Variants in PATJ observed in about 807,000 individuals in gnomAD.
PATJ encodes PATJ crumbs cell polarity complex component, also known as inaD-like protein.
Under a neutral mutation model 224.9 loss-of-function variants are expected in PATJ, and 190 were observed. The ratio of observed to expected loss-of-function variants is 0.84; its 90% CI spans 0.75 to 0.95. The LOEUF is 0.95. PATJ is among the 40% of genes least tolerant of loss of function. PATJ has a pLI of 0.00. For synonymous variants in PATJ, 769 were observed against 820.3 expected (o/e 0.94, Z 1.07); for missense variants, 2,121 against 2,270.3 (o/e 0.93, Z 1.34).
chr1:61,859,895 C>T (rs1664289768), intron 18 of PATJ, among the ~76,000 whole-genome samples: 1 of 152,232 alleles, frequency 6.6e-6, no homozygotes, highest in East Asian at 1.9e-4. Context: ...GCTGGGATTA[C>T]AGGTGTGAGC....
chr1:61,999,362 C>G (rs1330996419), intron 28 of PATJ, among the ~76,000 whole-genome samples: 1 of 152,092 alleles, frequency 6.6e-6, no homozygotes, highest in East Asian at 1.9e-4. Context: ...TTATATTAGC[C>G]TTTTGTATTT....
At chr1:61,833,503 C>T in intron 16 of PATJ, 151 bp from the exon 17 acceptor site, 1 of 644,304 alleles carries the variant, frequency 1.6e-6, no homozygotes, top group Non-Finnish European at 2.5e-6. Context: ...TGCCCCAGAG[C>T]ATGCCCCTTT....
In PATJ at chr1:61,982,733, T is replaced by C. The variant is rs1644518613; in HGVS notation, c.3671-7435T>C. Reference sequence around the variant, plus strand: ...AGAAGACTTTTTAACACTTTTCATATTTAGTTGCCAAAAGCTAGTACTGAC... The same window carrying C: ...AGAAGACTTTTTAACACTTTTCATACTTAGTTGCCAAAAGCTAGTACTGAC... On this transcript the variant is annotated intron_variant, in intron 27 of 43. Coordinates refer to ENST00000642238, the MANE Select transcript of PATJ (RefSeq NM_001350145.3). Among the ~76,000 whole-genome samples the C allele has an allele frequency of 2.0e-5, 3 of 152,082 alleles. No individual in the cohort carries two copies. In the South Asian group the frequency reaches 6.2e-4, roughly 31 times the overall value.
At chr1:61,899,781 T>C (rs1448343876) in intron 23 of PATJ, 127 bp downstream of exon 23, 2 of 603,726 alleles carry the variant, frequency 3.3e-6, no homozygotes, top group Non-Finnish European at 5.6e-6. Context: ...ACCTGTAAGC[T>C]GGCCTACGTT....
chr1:62,051,572 C>T (rs1231835395), intron 31 of PATJ, among the ~76,000 whole-genome samples: 1 of 152,186 alleles, frequency 6.6e-6, no homozygotes, highest in Non-Finnish European at 1.5e-5. Flanking sequence ...GATGATCCAT[C>T]CGCCTTGGCC....
At chr1:61,886,037 G>A (rs181636842) in intron 22 of PATJ, among the ~76,000 whole-genome samples, 2,214 of 151,884 alleles carry the variant, frequency 0.015, 62 homozygotes, top group African/African-American at 0.051. Flanking sequence ...TGGGGTGGGG[G>A]GATGGGGGAG....
intron 41 of PATJ, among the ~76,000 whole-genome samples, chr1:62,140,723 T>G (rs1179985395): frequency 6.6e-6 from 1 of 151,966 alleles, no homozygotes. Context: ...GTGGATTTCA[T>G]GGACTCTTGA....
chr1:62,138,869 C>G (rs551160089), intron 41 of PATJ, among the ~76,000 whole-genome samples: 1 of 152,126 alleles, frequency 6.6e-6, no homozygotes, highest in Non-Finnish European at 1.5e-5. Context: ...GCCTATTGTC[C>G]GGGTAAGGAC....
intron 22 of PATJ, among the ~76,000 whole-genome samples, chr1:61,895,185 A>C (rs1164437415): frequency 6.6e-6 from 1 of 152,238 alleles, no homozygotes; most frequent in East Asian, 1.9e-4. Flanking sequence ...GCAGAGCATA[A>C]AGGTGTAGAA....
At chr1:61,796,680 TTCTTTCTTTCTTTCTTTCTTTC>T (rs1369501624) in intron 10 of PATJ, among the ~76,000 whole-genome samples, 1 of 39,898 alleles carries the variant, frequency 2.5e-5, no homozygotes, top group African/African-American at 7.2e-5. Context: ...CTTTCTTTCT[TTCTTTCTTTCTTTCTTTCTTTC>T]TTTCTTTCTT....
At chr1:62,143,060 C>G (rs1667657719) in intron 41 of PATJ, among the ~76,000 whole-genome samples, 1 of 152,062 alleles carries the variant, frequency 6.6e-6, no homozygotes, top group South Asian at 2.1e-4. Flanking sequence ...GGATGGTCAC[C>G]TGTAGATGGA....
intron 28 of PATJ, among the ~76,000 whole-genome samples, 181 bp from the exon 29 acceptor site, chr1:62,017,675 T>A (rs1646851153): frequency 7.0e-6 from 1 of 142,844 alleles, no homozygotes; most frequent in African/African-American, 2.6e-5. Flanking sequence ...GAGGTTGCAG[T>A]GAGCCAAGAT....
chr1:61,931,767 A>T (rs1676060638), intron 27 of PATJ, among the ~76,000 whole-genome samples: 1 of 152,130 alleles, frequency 6.6e-6, no homozygotes, highest in Non-Finnish European at 1.5e-5. Flanking sequence ...CTGTCTCAAA[A>T]ATGAAACCTA....
At chr1:61,865,411 T>C (rs1472490862) in intron 20 of PATJ, 1 of 151,832 alleles carries the variant, frequency 6.6e-6, no homozygotes, top group East Asian at 1.9e-4. Flanking sequence ...TTAAATTTTT[T>C]TGTAGAGATG....
At chr1:61,751,507 A>G (rs1228964533) in intron 1 of PATJ, among the ~76,000 whole-genome samples, 1 of 152,012 alleles carries the variant, frequency 6.6e-6, no homozygotes, top group African/African-American at 2.4e-5. Context: ...CTCGTTGGAG[A>G]AAACTGCTAC....
intron 17 of PATJ, among the ~76,000 whole-genome samples, chr1:61,843,830 A>G (rs1001317114): frequency 6.6e-6 from 1 of 152,306 alleles, no homozygotes; most frequent in East Asian, 1.9e-4. Flanking sequence ...AAGATTTTCA[A>G]AGATAGAATC....
At chr1:61,884,024 GT>G (rs754829471) in intron 21 of PATJ, among the ~76,000 whole-genome samples, 18 of 152,056 alleles carry the variant, frequency 1.2e-4, no homozygotes, top group Admixed American at 3.3e-4. Context: ...ACCGACTTCT[GT>G]TGAACAATTC....
intron 1 of PATJ, among the ~76,000 whole-genome samples, chr1:61,755,234 A>G (rs1030925991): frequency 6.6e-6 from 1 of 150,828 alleles, no homozygotes; most frequent in Non-Finnish European, 1.5e-5. Context: ...GTGTGAACCC[A>G]GGAGGTGGAG....
Position 62,132,835 on chromosome 1 carries a change from CAGAGGT to C in PATJ, c.5271+3891_5271+3896del, listed in dbSNP as rs1164232538. Among the ~76,000 whole-genome samples, 15 of 151,726 alleles carry C rather than the reference CAGAGGT, an allele frequency of 9.9e-5. 1 individual carries two copies. The East Asian group carries it at 2.9e-3, about 30-fold the overall frequency. On this transcript the variant is annotated intron_variant, in intron 41 of 43. Transcript: ENST00000642238. Reference sequence around the variant, plus strand: ...GGGAGGATTGCTTGAGCCCGGGGGGCAGAGGTTGCAGTGAGCCAAGATCGTGCCACT... The same window carrying C: ...GGGAGGATTGCTTGAGCCCGGGGGGCTGCAGTGAGCCAAGATCGTGCCACT...
Sources: allele counts gnomAD v4.1 joint callset (sites outside exome capture counted in the v4.1 genomes callset), GRCh38; gene constraint gnomAD v4.1.1; transcripts MANE v1.5; gene names NCBI Gene and HGNC (gene_info 2026-07-23, HGNC 2026-07-21).